Variants in ABTB3 observed in about 807,000 individuals in gnomAD.
ABTB3 encodes the protein ankyrin repeat and BTB domain containing 3.
At chr12:107,350,821 G>C in the ABTB3 span, among the ~76,000 whole-genome samples, 3 of 152,296 alleles carry the variant, frequency 2.0e-5, no homozygotes, top group South Asian at 6.2e-4. Context: ...TTACTGAAGG[G>C]TCTCTCTTCT....
chr12:107,461,434 G>A, the ABTB3 span, among the ~76,000 whole-genome samples: 2 of 152,208 alleles, frequency 1.3e-5, no homozygotes, highest in Admixed American at 6.5e-5. Context: ...TACAAGCCAA[G>A]GAATGTCAAG....
the ABTB3 span, among the ~76,000 whole-genome samples, chr12:107,401,213 C>T: frequency 1.7e-4 from 26 of 152,258 alleles, no homozygotes; most frequent in South Asian, 6.2e-4. Flanking sequence ...CCTCAGAAAG[C>T]AAAAGCACAA....
the ABTB3 span, among the ~76,000 whole-genome samples, chr12:107,539,553 GT>G: frequency 1.1e-3 from 169 of 152,258 alleles, 1 homozygote; most frequent in Non-Finnish European, 1.5e-3. Flanking sequence ...GCAGTGTAGA[GT>G]CCTAAAAAAG....
the ABTB3 span, among the ~76,000 whole-genome samples, chr12:107,322,699 C>T: frequency 2.9e-5 from 1 of 34,016 alleles, no homozygotes; most frequent in African/African-American, 1.2e-4. Context: ...GTATATTGAC[C>T]CATTTGATCC....
At chr12:107,430,931 C>T in the ABTB3 span, among the ~76,000 whole-genome samples, 3 of 152,212 alleles carry the variant, frequency 2.0e-5, no homozygotes, top group South Asian at 2.1e-4. Flanking sequence ...TCAACACTTA[C>T]AATTTTTAAA....
chr12:107,418,282 A>G, the ABTB3 span, among the ~76,000 whole-genome samples: 1 of 152,232 alleles, frequency 6.6e-6, no homozygotes, highest in Non-Finnish European at 1.5e-5. Flanking sequence ...GCCCTTGAAT[A>G]TCAGACTCCA....
the ABTB3 span, among the ~76,000 whole-genome samples, chr12:107,396,382 G>A: frequency 8.8e-4 from 134 of 152,200 alleles, no homozygotes; most frequent in Non-Finnish European, 7.6e-4. Context: ...GCTCTGGCAA[G>A]TGGTTTAATC....
the ABTB3 span, among the ~76,000 whole-genome samples, chr12:107,530,202 G>A: frequency 1.3e-5 from 2 of 152,334 alleles, no homozygotes; most frequent in South Asian, 4.1e-4. Flanking sequence ...AAGGGTACCT[G>A]ACCGTCAGGC....
the ABTB3 span, among the ~76,000 whole-genome samples, chr12:107,441,651 G>T: frequency 1.3e-5 from 2 of 151,910 alleles, no homozygotes; most frequent in Non-Finnish European, 1.5e-5. Flanking sequence ...AAAGTTACCT[G>T]GGGGGTCCAG....
the ABTB3 span, among the ~76,000 whole-genome samples, chr12:107,608,694 A>T: frequency 6.6e-6 from 1 of 151,462 alleles, no homozygotes. Context: ...ACATAACAAG[A>T]CCCTGTCTTT....
the ABTB3 span, among the ~76,000 whole-genome samples, chr12:107,438,958 A>C: frequency 6.6e-6 from 1 of 152,192 alleles, no homozygotes; most frequent in Non-Finnish European, 1.5e-5. Flanking sequence ...TGCTTGTGCC[A>C]ATATTAGGCA....
the ABTB3 span, among the ~76,000 whole-genome samples, chr12:107,370,430 T>C: frequency 2.0e-5 from 3 of 152,254 alleles, no homozygotes; most frequent in African/African-American, 7.2e-5. Context: ...AAGGTAGATG[T>C]AGATGCTTAG....
the ABTB3 span, among the ~76,000 whole-genome samples, chr12:107,454,115 A>G: frequency 6.6e-6 from 1 of 152,392 alleles, no homozygotes; most frequent in African/African-American, 2.4e-5. Context: ...GGCACATAGT[A>G]GGTGCTCAAT....
At chr12:107,406,936 G>A in the ABTB3 span, among the ~76,000 whole-genome samples, 1 of 152,178 alleles carries the variant, frequency 6.6e-6, no homozygotes, top group African/African-American at 2.4e-5. Context: ...GGGCTCCGGA[G>A]CCAGAGAAGC....
At chr12:107,622,839 A>G in the ABTB3 span, among the ~76,000 whole-genome samples, 1 of 152,176 alleles carries the variant, frequency 6.6e-6, no homozygotes, top group Non-Finnish European at 1.5e-5. Context: ...TGTTCAACTT[A>G]TAGAAACAGC....
chr12:107,400,076 C>G, the ABTB3 span, among the ~76,000 whole-genome samples: 1 of 152,176 alleles, frequency 6.6e-6, no homozygotes, highest in Non-Finnish European at 1.5e-5. Flanking sequence ...TTTTCTTTAT[C>G]CAATCTATCA....
chr12:107,461,740 A>G, the ABTB3 span, among the ~76,000 whole-genome samples: 2 of 152,182 alleles, frequency 1.3e-5, no homozygotes, highest in East Asian at 1.9e-4. Flanking sequence ...GAATAAGCTT[A>G]GAGTCAGAAA....
At chr12:107,601,103 G>T in the ABTB3 span, among the ~76,000 whole-genome samples, 2 of 152,236 alleles carry the variant, frequency 1.3e-5, no homozygotes, top group East Asian at 3.8e-4. Flanking sequence ...TGGTTCAAAA[G>T]AATTATCTCT....
At chr12:107,478,437 A>G in the ABTB3 span, among the ~76,000 whole-genome samples, 1 of 152,190 alleles carries the variant, frequency 6.6e-6, no homozygotes, top group Non-Finnish European at 1.5e-5. Flanking sequence ...TCTGGCACAC[A>G]GTAGGTGCTC....
Sources: allele counts gnomAD v4.1 joint callset (sites outside exome capture counted in the v4.1 genomes callset), GRCh38; gene constraint gnomAD v4.1.1; transcripts MANE v1.5; gene names NCBI Gene and HGNC (gene_info 2026-07-23, HGNC 2026-07-21).